The following SLCO2A1 variants were observed in gnomAD, a reference collection of about 807,000 sequenced individuals.
The protein encoded by SLCO2A1 is matrin F/G 1.
In SLCO2A1, 60 loss-of-function variants were observed where a neutral mutation model predicts 71.7. The observed-to-expected ratio is 0.84, with a 90% CI of 0.68 to 1.04. SLCO2A1 has a LOEUF of 1.04. SLCO2A1 is among the 50% of genes least tolerant of loss of function. SLCO2A1 has a pLI of 0.00. For missense variants in SLCO2A1, 745 were observed against 813.4 expected (o/e 0.92, Z 1.02); for synonymous variants, 308 against 326.7 (o/e 0.94, Z 0.62).
chr3:134,004,362 T>G (rs370628071), intron 1 of SLCO2A1, among the ~76,000 whole-genome samples: 116 of 152,260 alleles, frequency 7.6e-4, no homozygotes, highest in African/African-American at 2.6e-3. Context: ...TAGACGGAGT[T>G]TTGCTCTTGT....
rs1456200996 is a variant in SLCO2A1, at chr3:133,942,835, G to A, written c.1462-67C>T. The A allele has an allele frequency of 8.8e-6, 13 of 1,471,548 alleles. No homozygotes were observed. The East Asian group carries it at 9.7e-5, about 11-fold the overall frequency. The allele number at this position is 1,471,548 out of a possible 1,614,324, so 91.2% of individuals were successfully genotyped here. On this transcript the variant is annotated intron_variant, in intron 10 of 13. Transcript: ENST00000310926. ...TATTTCACTTTCACACACTTCAGAC[G>A]TCTGCACCAGCTCTTGTTGGAGACT...
chr3:134,012,927 G>A (rs994195785), intron 1 of SLCO2A1, among the ~76,000 whole-genome samples: 1 of 152,302 alleles, frequency 6.6e-6, no homozygotes, highest in Non-Finnish European at 1.5e-5. Flanking sequence ...TGACCAACTC[G>A]TTCCAATTTG....
At chr3:133,948,424 G>A (rs1029733606) in intron 8 of SLCO2A1, 112 bp downstream of exon 8, 46 of 1,138,942 alleles carry the variant, frequency 4.0e-5, no homozygotes, top group Admixed American at 6.9e-5. Flanking sequence ...GTCCTCCTCC[G>A]GACCCTGCCT....
intron 3 of SLCO2A1, among the ~76,000 whole-genome samples, chr3:133,956,857 C>G (rs1359103437): frequency 1.3e-5 from 2 of 152,186 alleles, no homozygotes; most frequent in African/African-American, 4.8e-5. Context: ...CAGAGAAAAC[C>G]TCTGGAAGAT....
Position 133,955,122 on chromosome 3 carries a change from T to C in SLCO2A1, c.469A>G (p.Ser157Gly). 6.2e-7 allele frequency: 1 copy of C among 1,614,190 alleles called. No homozygotes were observed. Among genetic ancestry groups the C allele is most frequent in the South Asian group, 1.1e-5 (1 of 91,076 alleles). ...TCCTTCTGGGGGTTCTGGGTGGTGC[T>C]GTGGCACTTACTGGGAGGCAGGTCC... ...WQDLPPSKCH[S>G]TTQNPQKETS... The change falls in exon 4 of 14, where the codon AGC becomes GGC. Residue 157 changes from serine (S) to glycine (G), a missense_variant. Transcript: ENST00000310926.
In SLCO2A1 at chr3:133,936,353, G is replaced by A. The variant is rs145729587; in HGVS notation, c.1691-456C>T. ...TGTAACACAGCCAAGAGAAGTCAAG[G>A]CCAGACTTGGAACCCTGGTTTATGG... is the stretch of plus-strand genomic sequence containing the variant. On this transcript the variant is annotated intron_variant, in intron 12 of 13. Transcript: ENST00000310926. 9.1e-3 allele frequency among the ~76,000 whole-genome samples: 1,386 copies of A among 152,252 alleles called. 24 individuals are homozygous for A. Among genetic ancestry groups the A allele is most frequent in the African/African-American group, 0.031 (1,272 of 41,526 alleles).
At chr3:133,991,629 C>A (rs1934848834) in intron 1 of SLCO2A1, among the ~76,000 whole-genome samples, 1 of 152,166 alleles carries the variant, frequency 6.6e-6, no homozygotes, top group Non-Finnish European at 1.5e-5. Context: ...AAAATCAGAA[C>A]AATCTAGGAA....
intron 3 of SLCO2A1, among the ~76,000 whole-genome samples, chr3:133,968,819 G>A (rs1934255081): frequency 6.6e-6 from 1 of 152,196 alleles, no homozygotes. Context: ...GGTCTTAGAG[G>A]CTTTGGCTGG....
chr3:133,948,858 T>C (rs1462170111), intron 7 of SLCO2A1, 35 bp downstream of exon 7: 2 of 1,607,360 alleles, frequency 1.2e-6, no homozygotes, highest in African/African-American at 2.7e-5. Flanking sequence ...TCCCCCGCAC[T>C]GTGCCAGCCC....
At chr3:133,977,676 G>A (rs569484766) in intron 2 of SLCO2A1, among the ~76,000 whole-genome samples, 28 of 152,282 alleles carry the variant, frequency 1.8e-4, no homozygotes, top group African/African-American at 6.3e-4. Context: ...AGGGATGCCT[G>A]CCAGGGTCAT....
intron 4 of SLCO2A1, among the ~76,000 whole-genome samples, chr3:133,954,615 G>A (rs1165233615): frequency 6.6e-6 from 1 of 152,202 alleles, no homozygotes; most frequent in Non-Finnish European, 1.5e-5. Flanking sequence ...TAGTCAGAGA[G>A]CAACAGTAGG....
Position 133,997,708 on chromosome 3 carries a change from T to G in SLCO2A1, c.97-18090A>C, listed in dbSNP as rs544528676. On this transcript the variant is annotated intron_variant, in intron 1 of 13. Transcript: ENST00000310926. ...GTGAGAGAATACATCTCTGTTGTTT[T>G]AAGCCACCAAGTTTGTGGTATTTTT... 1.2e-4 allele frequency among the ~76,000 whole-genome samples: 18 copies of G among 152,330 alleles called. No individual in the cohort carries two copies. In the South Asian group the frequency reaches 1.4e-3, roughly 12 times the overall value.
intron 1 of SLCO2A1, among the ~76,000 whole-genome samples, chr3:133,999,001 C>G (rs184726337): frequency 3.5e-4 from 54 of 152,356 alleles, no homozygotes; most frequent in African/African-American, 1.3e-3. Context: ...CTCTTGCCCC[C>G]TCTCTGGCCT....
intron 2 of SLCO2A1, among the ~76,000 whole-genome samples, chr3:133,976,724 C>T (rs1934464819): frequency 1.3e-5 from 2 of 152,136 alleles, no homozygotes; most frequent in Non-Finnish European, 2.9e-5. Flanking sequence ...TTACAATGCC[C>T]ATCATGACAT....
chr3:133,946,542 C>T (rs1057461877), intron 9 of SLCO2A1, among the ~76,000 whole-genome samples: 1 of 152,190 alleles, frequency 6.6e-6, no homozygotes, highest in African/African-American at 2.4e-5. Context: ...TATTCTTCTC[C>T]AGATCTTTTC....
intron 1 of SLCO2A1, among the ~76,000 whole-genome samples, chr3:133,986,256 T>C (rs1934711476): frequency 6.6e-6 from 1 of 151,066 alleles, no homozygotes; most frequent in Non-Finnish European, 1.5e-5. Flanking sequence ...AAACAGTTTT[T>C]TGTTTTTTGT....
intron 3 of SLCO2A1, 153 bp from the exon 4 acceptor site, chr3:133,955,346 C>G (rs150783496): frequency 1.6e-6 from 1 of 616,010 alleles, no homozygotes; most frequent in Admixed American, 3.0e-5. Flanking sequence ...CTGAGGACCG[C>G]GTCCTTCTGT....
intron 1 of SLCO2A1, among the ~76,000 whole-genome samples, chr3:134,001,169 G>A (rs1404449033): frequency 6.6e-6 from 1 of 151,762 alleles, no homozygotes; most frequent in African/African-American, 2.4e-5. Flanking sequence ...CCAGGCTGGA[G>A]TGCAATGGCA....
chr3:133,973,219 T>C (rs548954745), intron 3 of SLCO2A1, among the ~76,000 whole-genome samples: 2 of 152,240 alleles, frequency 1.3e-5, no homozygotes, highest in Non-Finnish European at 2.9e-5. Flanking sequence ...TGTTCATGGA[T>C]CGGCAAACTC....
Sources: allele counts gnomAD v4.1 joint callset (sites outside exome capture counted in the v4.1 genomes callset), GRCh38; gene constraint gnomAD v4.1.1; transcripts MANE v1.5; gene names NCBI Gene and HGNC (gene_info 2026-07-23, HGNC 2026-07-21).